RBFOX1: variants seen among roughly 807,000 people sequenced by gnomAD.
RBFOX1 encodes RNA binding protein fox-1 homolog 1.
RBFOX1 carries 8 observed loss-of-function variants against 57.7 expected under a neutral mutation model. That is an observed-to-expected ratio of 0.14 (90% confidence interval 0.08 to 0.25). The LOEUF (loss-of-function observed/expected upper bound fraction) is 0.25. Among genes scored for constraint, RBFOX1 ranks in the 10% least tolerant of loss-of-function variants. RBFOX1 has a pLI of 1.00. For synonymous variants in RBFOX1, 326 were observed against 222.4 expected (o/e 1.47, Z -4.15); for missense variants, 611 against 548.5 (o/e 1.11, Z -1.14).
chr16:7,262,097 C>G (rs2094940158), intron 4 of RBFOX1, among the ~76,000 whole-genome samples: 1 of 152,012 alleles, frequency 6.6e-6, no homozygotes. Context: ...GCTGGGGGTA[C>G]CATTTCTGGG....
At chr16:5,876,752 G>C (rs531623568) in intron 4 of RBFOX1, among the ~76,000 whole-genome samples, 1 of 152,100 alleles carries the variant, frequency 6.6e-6, no homozygotes, top group African/African-American at 2.4e-5. Flanking sequence ...GTGCTCCCGG[G>C]CTCATACTTC....
intron 1 of RBFOX1, among the ~76,000 whole-genome samples, chr16:5,317,820 C>T (rs1353288163): frequency 6.6e-6 from 1 of 152,132 alleles, no homozygotes; most frequent in African/African-American, 2.4e-5. Flanking sequence ...GTTTACAATT[C>T]AGTGGCGTGA....
chr16:6,057,353 T>C (rs2095627233), intron 1 of RBFOX1, among the ~76,000 whole-genome samples: 1 of 152,008 alleles, frequency 6.6e-6, no homozygotes, highest in Non-Finnish European at 1.5e-5. Flanking sequence ...ATTAATAAGC[T>C]CCAAACCCCA....
chr16:7,274,068 T>A (rs557310404), intron 4 of RBFOX1, among the ~76,000 whole-genome samples: 2 of 152,164 alleles, frequency 1.3e-5, no homozygotes, highest in South Asian at 2.1e-4. Context: ...AGAGAAAACA[T>A]AAGTGTGGAA....
At chr16:7,269,950 G>A (rs552522109) in intron 4 of RBFOX1, among the ~76,000 whole-genome samples, 1 of 152,170 alleles carries the variant, frequency 6.6e-6, no homozygotes, top group Admixed American at 6.5e-5. Context: ...TTATTAATTT[G>A]ATAGGTAAAA....
intron 4 of RBFOX1, among the ~76,000 whole-genome samples, chr16:7,260,264 AC>A (rs1603452264): frequency 3.3e-5 from 5 of 152,240 alleles, no homozygotes; most frequent in Admixed American, 3.3e-4. Context: ...TTAGCTGTTA[AC>A]TTGGACTTGC....
intron 3 of RBFOX1, among the ~76,000 whole-genome samples, chr16:6,879,577 T>G (rs1365156889): frequency 3.3e-5 from 5 of 152,242 alleles, no homozygotes; most frequent in Non-Finnish European, 7.3e-5. Flanking sequence ...AAGTTTCCAT[T>G]ATCATTTTTA....
At chr16:7,537,232 G>C (rs1043013998) in intron 5 of RBFOX1, among the ~76,000 whole-genome samples, 1 of 152,230 alleles carries the variant, frequency 6.6e-6, no homozygotes, top group African/African-American at 2.4e-5. Context: ...ATAGGAACTA[G>C]AATGGTCTGG....
chr16:5,613,456 G>C (rs1039506856), intron 3 of RBFOX1, among the ~76,000 whole-genome samples: 4 of 152,194 alleles, frequency 2.6e-5, no homozygotes, highest in African/African-American at 9.7e-5. Context: ...TGATGGCACA[G>C]GGTTGCAGCC....
At chr16:7,273,341 G>C (rs966838029) in intron 4 of RBFOX1, among the ~76,000 whole-genome samples, 1 of 151,150 alleles carries the variant, frequency 6.6e-6, no homozygotes, top group Non-Finnish European at 1.5e-5. Flanking sequence ...GTGTCTTTAG[G>C]ATGCTTGTTT....
chr16:5,460,377 A>T (rs552703685), intron 1 of RBFOX1, among the ~76,000 whole-genome samples: 1 of 152,082 alleles, frequency 6.6e-6, no homozygotes, highest in South Asian at 2.1e-4. Context: ...GTTTACCATT[A>T]TCCCATCTAC....
intron 3 of RBFOX1, among the ~76,000 whole-genome samples, chr16:6,782,257 G>A (rs1171461827): frequency 3.3e-5 from 5 of 152,016 alleles, no homozygotes; most frequent in South Asian, 2.1e-4. Flanking sequence ...TGCCCACCTC[G>A]GGCTCCCAAA....
At chr16:7,044,924 C>A (rs1391398090) in intron 3 of RBFOX1, among the ~76,000 whole-genome samples, 2 of 152,162 alleles carry the variant, frequency 1.3e-5, no homozygotes, top group African/African-American at 4.8e-5. Flanking sequence ...TCATTAGTTG[C>A]AGCAATAACT....
intron 2 of RBFOX1, among the ~76,000 whole-genome samples, chr16:5,497,990 C>T (rs577732639): frequency 2.0e-5 from 3 of 152,072 alleles, no homozygotes; most frequent in African/African-American, 4.8e-5. Flanking sequence ...AAAACATGTG[C>T]AAAGGCTGGA....
rs544374639 is a variant in RBFOX1, at chr16:6,981,920, G to A, written c.-15-70137G>A. On this transcript the variant is annotated intron_variant, in intron 3 of 15. Coordinates refer to ENST00000550418, the MANE Select transcript of RBFOX1 (RefSeq NM_018723.4). ...GTGAATAGTGCTGCAGTGAGTATAC[G>A]CATGCATGGGTCTTTGTATTACAAT... Among the ~76,000 whole-genome samples the A allele has an allele frequency of 5.3e-5, 8 of 152,254 alleles. No individual in the cohort carries two copies. The South Asian group carries it at 8.3e-4, about 16-fold the overall frequency.
rs1016814610 is a variant in RBFOX1 at position 7,302,640 on chromosome 16, A to C, written c.28-215507A>C. ...GATCTCTTGGTCTGAAAACAAAAAA[A>C]AAAAAAAAGAAAATCCAATCACTGG... On this transcript the variant is annotated intron_variant, in intron 4 of 15. Coordinates refer to ENST00000550418, the MANE Select transcript of RBFOX1 (RefSeq NM_018723.4). Among the ~76,000 whole-genome samples the C allele has an allele frequency of 2.2e-4, 33 of 152,216 alleles. No homozygotes were observed. The East Asian group carries it at 2.3e-3, about 11-fold the overall frequency.
intron 4 of RBFOX1, among the ~76,000 whole-genome samples, chr16:7,367,885 T>TACACACACACAC (rs34277471): frequency 1.2e-4 from 18 of 148,432 alleles, no homozygotes; most frequent in African/African-American, 3.7e-4. Context: ...CATGCGTGCA[T>TACACACACACAC]ACACACACAC....
In RBFOX1 at chr16:6,518,609, C is replaced by G. The variant is rs376557866; in HGVS notation, c.-63-135994C>G. On this transcript the variant is annotated intron_variant, in intron 2 of 15. Coordinates refer to ENST00000550418, the MANE Select transcript of RBFOX1 (RefSeq NM_018723.4). ...AGGTGAAATTCAGACCACTTACTGCCTCCAGCTCTTGGGGCTTCTTGACAT... is the reference window on the plus strand; with the variant it reads ...AGGTGAAATTCAGACCACTTACTGCGTCCAGCTCTTGGGGCTTCTTGACAT... Among the ~76,000 whole-genome samples the G allele has an allele frequency of 3.3e-5, 5 of 152,284 alleles. No individual in the cohort carries two copies. In the East Asian group the frequency reaches 5.8e-4, roughly 18 times the overall value.
At chr16:6,946,952 C>A (rs971609661) in intron 3 of RBFOX1, among the ~76,000 whole-genome samples, 1 of 152,088 alleles carries the variant, frequency 6.6e-6, no homozygotes, top group African/African-American at 2.4e-5. Flanking sequence ...TGTTTGGGAG[C>A]CATTTGAATG....
Sources: gnomAD v4.1 joint callset for allele counts (sites outside exome capture counted in the v4.1 genomes callset) on GRCh38, gnomAD v4.1.1 for gene constraint, MANE v1.5 for transcripts, NCBI Gene and HGNC (gene_info 2026-07-23, HGNC 2026-07-21) for gene names.